Variants in RBMS1 observed in about 807,000 individuals in gnomAD.
The protein encoded by RBMS1 is RNA-binding motif, single-stranded-interacting protein 1.
A neutral mutation model predicts 62.3 loss-of-function variants in RBMS1; 17 were observed. That is an observed-to-expected ratio of 0.27 (90% CI 0.19 to 0.41). The LOEUF is 0.41. RBMS1 is among the 10% of genes least tolerant of loss of function. RBMS1 has a pLI of 1.00. For missense variants in RBMS1, 334 were observed against 504.5 expected, an observed-to-expected ratio of 0.66 and a Z score of 3.24; for synonymous variants, 172 against 170.0, an observed-to-expected ratio of 1.01 and a Z score of -0.09.
chr2:160,470,094 C>T (rs556613490), intron 1 of RBMS1, among the ~76,000 whole-genome samples: 1 of 151,896 alleles, frequency 6.6e-6, no homozygotes, highest in Non-Finnish European at 1.5e-5. Context: ...CAAATGCAAG[C>T]TGGTGTTCTG....
intron 6 of RBMS1, among the ~76,000 whole-genome samples, chr2:160,291,594 G>C (rs980472366): frequency 6.6e-6 from 1 of 152,128 alleles, no homozygotes; most frequent in African/African-American, 2.4e-5. Context: ...CTCTGTGGAC[G>C]TTCTTCCTCC....
intron 1 of RBMS1, among the ~76,000 whole-genome samples, chr2:160,439,718 G>A (rs979003969): frequency 3.9e-5 from 6 of 152,344 alleles, no homozygotes; most frequent in African/African-American, 1.4e-4. Flanking sequence ...GGGAGGTGGA[G>A]GTTGTAGCAA....
intron 1 of RBMS1, among the ~76,000 whole-genome samples, chr2:160,428,963 A>G (rs1470620848): frequency 2.6e-5 from 4 of 152,138 alleles, no homozygotes; most frequent in Admixed American, 2.0e-4. Flanking sequence ...TGGGATCCCT[A>G]TGATCCTCCT....
At chr2:160,341,494 G>C (rs950003975) in intron 2 of RBMS1, among the ~76,000 whole-genome samples, 1 of 152,020 alleles carries the variant, frequency 6.6e-6, no homozygotes, top group Non-Finnish European at 1.5e-5. Context: ...TCTCCCTCTT[G>C]GTAGCCCAAA....
chr2:160,479,291 C>T (rs868459930), intron 1 of RBMS1, among the ~76,000 whole-genome samples: 10 of 152,216 alleles, frequency 6.6e-5, no homozygotes, highest in Non-Finnish European at 1.2e-4. Context: ...GTGAGCAGGG[C>T]GCAGCTCTGG....
chr2:160,363,186 A>G (rs1436330093), intron 2 of RBMS1, among the ~76,000 whole-genome samples: 1 of 152,204 alleles, frequency 6.6e-6, no homozygotes, highest in African/African-American at 2.4e-5. Context: ...ACTTTTAGGT[A>G]ACTCTGGGAT....
At chr2:160,355,493 C>T (rs1692748896) in intron 2 of RBMS1, among the ~76,000 whole-genome samples, 1 of 152,100 alleles carries the variant, frequency 6.6e-6, no homozygotes, top group African/African-American at 2.4e-5. Flanking sequence ...TTTCTTAAGA[C>T]TCCAAATCTT....
chr2:160,431,037 T>C (rs1682873578), intron 1 of RBMS1, among the ~76,000 whole-genome samples: 1 of 150,782 alleles, frequency 6.6e-6, no homozygotes, highest in Non-Finnish European at 1.5e-5. Context: ...ACACTGGATT[T>C]TTCCCACTGA....
At chr2:160,305,419 T>G (rs892834554) in intron 4 of RBMS1, among the ~76,000 whole-genome samples, 2 of 152,218 alleles carry the variant, frequency 1.3e-5, no homozygotes, top group African/African-American at 4.8e-5. Context: ...GCTAACAGTA[T>G]TCAGTACAGT....
intron 2 of RBMS1, among the ~76,000 whole-genome samples, chr2:160,358,369 C>A (rs1268621849): frequency 6.6e-6 from 1 of 152,128 alleles, no homozygotes; most frequent in Non-Finnish European, 1.5e-5. Flanking sequence ...CTGTAAACTG[C>A]ACATCGTATA....
intron 2 of RBMS1, among the ~76,000 whole-genome samples, chr2:160,339,279 T>G (rs1165372594): frequency 6.6e-6 from 1 of 152,218 alleles, no homozygotes; most frequent in East Asian, 1.9e-4. Flanking sequence ...GTTTTCATTT[T>G]GAATAACATG....
At chr2:160,486,852 C>T (rs572591104) in intron 1 of RBMS1, among the ~76,000 whole-genome samples, 1 of 152,274 alleles carries the variant, frequency 6.6e-6, no homozygotes, top group South Asian at 2.1e-4. Flanking sequence ...ATTTCCTCCC[C>T]TTTGCCGGAA....
At chr2:160,475,943 G>GC (rs1035291713) in intron 1 of RBMS1, among the ~76,000 whole-genome samples, 1 of 148,508 alleles carries the variant, frequency 6.7e-6, no homozygotes, top group South Asian at 2.1e-4. Context: ...TGCAACCTTC[G>GC]CCCCCCGAGC....
At chr2:160,395,043 T>C (rs551395321) in intron 1 of RBMS1, among the ~76,000 whole-genome samples, 1 of 152,354 alleles carries the variant, frequency 6.6e-6, no homozygotes, top group East Asian at 1.9e-4. Context: ...AAGAACACAA[T>C]TAGTAAATAT....
chr2:160,448,251 GACT>G (rs1216592090), intron 1 of RBMS1, among the ~76,000 whole-genome samples: 1 of 151,856 alleles, frequency 6.6e-6, no homozygotes, highest in African/African-American at 2.4e-5. Context: ...GAAATCACCT[GACT>G]ACTTGGGGAT....
At chr2:160,396,057 C>CATA (rs1320054177) in intron 1 of RBMS1, among the ~76,000 whole-genome samples, 23 of 152,088 alleles carry the variant, frequency 1.5e-4, no homozygotes, top group African/African-American at 5.1e-4. Flanking sequence ...TAACTATTAC[C>CATA]CCTGGTTTTG....
chr2:160,386,395 G>A, intron 1 of RBMS1, among the ~76,000 whole-genome samples: 1 of 152,138 alleles, frequency 6.6e-6, no homozygotes, highest in African/African-American at 2.4e-5. Flanking sequence ...ACTTAGCCAG[G>A]CATGGTGGCG....
At chr2:160,302,490 C>G (rs1020568883) in intron 5 of RBMS1, 1 of 151,808 alleles carries the variant, frequency 6.6e-6, no homozygotes, top group African/African-American at 2.4e-5. Flanking sequence ...CCACTGCATG[C>G]GGCCCCTAGA....
At chr2:160,390,836 G>C (rs1461219298) in intron 1 of RBMS1, among the ~76,000 whole-genome samples, 1 of 151,132 alleles carries the variant, frequency 6.6e-6, no homozygotes, top group Non-Finnish European at 1.5e-5. Flanking sequence ...ACATATTTAA[G>C]CTATTAATAT....
Sources: gnomAD v4.1 joint callset for allele counts (sites outside exome capture counted in the v4.1 genomes callset) on GRCh38, gnomAD v4.1.1 for gene constraint, MANE v1.5 for transcripts, NCBI Gene and HGNC (gene_info 2026-07-23, HGNC 2026-07-21) for gene names.